ADGRL2: variants seen among roughly 807,000 people sequenced by gnomAD.
ADGRL2 encodes adhesion G protein-coupled receptor L2.
ADGRL2 carries 44 observed loss-of-function variants against 157.4 expected under a neutral mutation model. That is an observed-to-expected ratio of 0.28 (90% CI 0.22 to 0.36). ADGRL2 has a LOEUF of 0.36. Ranked by LOEUF, ADGRL2 falls within the 10% of genes least tolerant of loss-of-function variation. The pLI is 1.00. For synonymous variants in ADGRL2, 585 were observed against 624.7 expected (o/e 0.94, Z 0.95); for missense variants, 1,510 against 1,768.9 (o/e 0.85, Z 2.63).
intron 2 of ADGRL2, among the ~76,000 whole-genome samples, chr1:81,580,590 C>T (rs964794346): frequency 1.3e-5 from 2 of 152,028 alleles, no homozygotes. Context: ...AGGAGTATCA[C>T]TCACTATAAA....
intron 17 of ADGRL2, among the ~76,000 whole-genome samples, chr1:81,973,663 C>T (rs751230014): frequency 3.3e-5 from 5 of 152,136 alleles, no homozygotes; most frequent in African/African-American, 4.8e-5. Context: ...TATAGTAGAG[C>T]ACACTATTAC....
chr1:81,501,396 G>C (rs1480938390), intron 2 of ADGRL2, among the ~76,000 whole-genome samples: 1 of 152,194 alleles, frequency 6.6e-6, no homozygotes, highest in East Asian at 1.9e-4. Flanking sequence ...CATCTCCTAT[G>C]TGTGTTGAGA....
chr1:81,442,413 C>A (rs1193814505), intron 1 of ADGRL2, among the ~76,000 whole-genome samples: 1 of 152,148 alleles, frequency 6.6e-6, no homozygotes, highest in Non-Finnish European at 1.5e-5. Context: ...TTACTTGAAA[C>A]ATTAAAATTA....
At chr1:81,515,478 A>G (rs1485652920) in intron 2 of ADGRL2, among the ~76,000 whole-genome samples, 2 of 152,072 alleles carry the variant, frequency 1.3e-5, no homozygotes, top group African/African-American at 2.4e-5. Flanking sequence ...GTTAGCACAA[A>G]ATAAATAACA....
intron 11 of ADGRL2, among the ~76,000 whole-genome samples, chr1:81,962,777 A>G (rs184212191): frequency 3.9e-5 from 6 of 152,164 alleles, no homozygotes; most frequent in Non-Finnish European, 1.5e-5. Flanking sequence ...TTCTCCCCCT[A>G]ATGATTTGTA....
In ADGRL2 at chr1:81,990,475, A is replaced by G. The variant is rs2149542066; in HGVS notation, c.3740A>G (p.His1247Arg). Residue 1247 changes from histidine (H) to arginine (R), a missense_variant, in exon 24 of 24, where the codon CAC becomes CGC. Transcript: ENST00000686636. ...AATTTTAACAACAGCTACTCGCTGC[A>G]CAAGGGTGACTATAATGACAGCGTG... ...NGNFNNSYSL[H>R]KGDYNDSVQV... 2 of 1,614,118 alleles carry G rather than the reference A, an allele frequency of 1.2e-6. No individual in the cohort carries two copies. The highest frequency in any genetic ancestry group is 1.3e-5 in the African/African-American group (1 of 75,056).
chr1:81,580,056 T>C (rs562748451), intron 2 of ADGRL2, among the ~76,000 whole-genome samples: 1 of 152,176 alleles, frequency 6.6e-6, no homozygotes, highest in Non-Finnish European at 1.5e-5. Context: ...ATAAAAAGAG[T>C]TGTCAATTCT....
rs576512946 is a variant in ADGRL2, at chr1:81,346,961, T to C, written c.-302+40452T>C. Among the ~76,000 whole-genome samples the C allele has an allele frequency of 2.6e-5, 4 of 152,278 alleles. No individual in the cohort carries two copies. The East Asian group carries it at 7.7e-4, about 29-fold the overall frequency. Reference sequence around the variant, plus strand: ...GGTGCATGCAAGAAAAAGCCTAGATTTCCCTGAAGCTACATTAGATATACA... The same window carrying C: ...GGTGCATGCAAGAAAAAGCCTAGATCTCCCTGAAGCTACATTAGATATACA... On this transcript the variant is annotated intron_variant, in intron 1 of 24. Coordinates refer to the ADGRL2 transcript ENST00000370721.
intron 3 of ADGRL2, among the ~76,000 whole-genome samples, chr1:81,667,876 T>G (rs2082784472): frequency 6.6e-6 from 1 of 152,320 alleles, no homozygotes; most frequent in South Asian, 2.1e-4. Flanking sequence ...ACTGCGTATT[T>G]ATAAGATCTA....
intron 3 of ADGRL2, chr1:81,625,840 G>C (rs1219418575): frequency 6.6e-6 from 1 of 152,132 alleles, no homozygotes; most frequent in Non-Finnish European, 1.5e-5. Flanking sequence ...TTGGCAGTAA[G>C]CATCTTTAGA....
rs77297459 is a variant in ADGRL2 at position 81,392,820 on chromosome 1, A to C, written c.-301-52216A>C. On this transcript the variant is annotated intron_variant, in intron 1 of 24. Transcript: ENST00000370721. ...TTTTATAAAGTCACTCATCTAGTAT[A>C]GACTGTATCTATCACTGAGTTACAA... Among the ~76,000 whole-genome samples the C allele has an allele frequency of 1.1e-3, 170 of 152,242 alleles. 1 individual carries two copies. Among genetic ancestry groups the C allele is most frequent in the African/African-American group, 3.8e-3 (158 of 41,550 alleles).
chr1:81,482,952 G>T (rs1326768798), intron 2 of ADGRL2, among the ~76,000 whole-genome samples: 2 of 151,900 alleles, frequency 1.3e-5, no homozygotes, highest in South Asian at 2.1e-4. Flanking sequence ...TCTCTTCCAT[G>T]ACTACTCTTA....
intron 2 of ADGRL2, among the ~76,000 whole-genome samples, chr1:81,877,202 T>G (rs1207279674): frequency 1.3e-5 from 2 of 152,136 alleles, no homozygotes; most frequent in Non-Finnish European, 2.9e-5. Flanking sequence ...GTATTTGCCT[T>G]CATCTCTGTG....
chr1:81,743,357 T>C (rs1482302221), intron 1 of ADGRL2, among the ~76,000 whole-genome samples: 1 of 150,488 alleles, frequency 6.6e-6, no homozygotes, highest in East Asian at 1.9e-4. Context: ...GGGACATTCT[T>C]ATGGGGGCAG....
intron 2 of ADGRL2, among the ~76,000 whole-genome samples, chr1:81,904,307 A>C (rs2094545835): frequency 6.6e-6 from 1 of 152,224 alleles, no homozygotes; most frequent in African/African-American, 2.4e-5. Flanking sequence ...TAATCAAAAC[A>C]GGTAAGAGAA....
chr1:81,345,501 G>A (rs1415251082), intron 1 of ADGRL2, among the ~76,000 whole-genome samples: 4 of 152,076 alleles, frequency 2.6e-5, no homozygotes, highest in Admixed American at 6.5e-5. Context: ...AAAGTAACTG[G>A]AAGATTAATC....
intron 1 of ADGRL2, among the ~76,000 whole-genome samples, chr1:81,830,104 T>A (rs558476096): frequency 3.3e-5 from 5 of 152,356 alleles, no homozygotes; most frequent in Admixed American, 1.3e-4. Context: ...ATCTTGGTCA[T>A]TTTCTTGCAT....
intron 1 of ADGRL2, among the ~76,000 whole-genome samples, chr1:81,724,269 G>T (rs1265239313): frequency 1.3e-5 from 2 of 152,140 alleles, no homozygotes; most frequent in Non-Finnish European, 2.9e-5. Flanking sequence ...TGGAAAGAGG[G>T]ATTCCCTTTG....
intron 1 of ADGRL2, among the ~76,000 whole-genome samples, chr1:81,376,324 C>T (rs1411338129): frequency 1.3e-4 from 20 of 152,070 alleles, no homozygotes; most frequent in Admixed American, 1.2e-3. Flanking sequence ...CAGAGTGCTG[C>T]CAACCAAAGA....
Sources: allele counts gnomAD v4.1 joint callset (sites outside exome capture counted in the v4.1 genomes callset), GRCh38; gene constraint gnomAD v4.1.1; transcripts MANE v1.5; gene names NCBI Gene and HGNC (gene_info 2026-07-23, HGNC 2026-07-21).